Variants in TMEM132D observed in about 807,000 individuals in gnomAD.
TMEM132D encodes transmembrane protein 132D, also known as mature OL transmembrane protein.
TMEM132D carries 21 observed loss-of-function variants against 62.3 expected under a neutral mutation model. That is an observed-to-expected ratio of 0.34 (90% CI 0.24 to 0.49). The LOEUF is 0.49. TMEM132D is among the 20% of genes least tolerant of loss of function. The pLI, the probability that TMEM132D is intolerant of heterozygous loss-of-function variation, is 0.99. For synonymous variants in TMEM132D, 621 were observed against 575.6 expected, an observed-to-expected ratio of 1.08 and a Z score of -1.13; for missense variants, 1,346 against 1,402.8, an observed-to-expected ratio of 0.96 and a Z score of 0.65.
At chr12:129,731,029 A>T (rs1254321226) in intron 1 of TMEM132D, among the ~76,000 whole-genome samples, 1 of 152,022 alleles carries the variant, frequency 6.6e-6, no homozygotes, top group African/African-American at 2.4e-5. Flanking sequence ...TTATATATAC[A>T]TCTATCCTAT....
At chr12:129,882,601 A>C (rs890336936) in intron 1 of TMEM132D, among the ~76,000 whole-genome samples, 6 of 152,190 alleles carry the variant, frequency 3.9e-5, no homozygotes, top group Non-Finnish European at 2.9e-5. Context: ...AAGGACATTA[A>C]ATGCTCCCAA....
At chr12:129,213,318 C>A (rs1879107495) in intron 4 of TMEM132D, among the ~76,000 whole-genome samples, 1 of 152,052 alleles carries the variant, frequency 6.6e-6, no homozygotes, top group Non-Finnish European at 1.5e-5. Flanking sequence ...TACAGTGAGA[C>A]CCTGTCTCTA....
chr12:129,113,563 A>G (rs1409343309), intron 5 of TMEM132D, among the ~76,000 whole-genome samples: 1 of 152,208 alleles, frequency 6.6e-6, no homozygotes, highest in East Asian at 1.9e-4. Context: ...CATTAAAAAG[A>G]CATATTAGCA....
At position 129,307,477 on chromosome 12, in the gene TMEM132D, C is replaced by A. The variant is rs75148974; in HGVS notation, c.1299+30157G>T. Among the ~76,000 whole-genome samples, 143 of 152,158 alleles carry A rather than the reference C, an allele frequency of 9.4e-4. 1 individual carries two copies. The East Asian group carries it at 0.025, about 26-fold the overall frequency. ...TTTAAATGGAGTTTAAAACCTTAGC[C>A]CTTCTATTTCCTAGGTTTCTCAAAA... On this transcript the variant is annotated intron_variant, in intron 4 of 8. Coordinates refer to ENST00000422113, the MANE Select transcript of TMEM132D (RefSeq NM_133448.3).
chr12:129,670,930 C>T (rs1225418850), intron 2 of TMEM132D, among the ~76,000 whole-genome samples: 2 of 152,160 alleles, frequency 1.3e-5, no homozygotes, highest in African/African-American at 4.8e-5. Flanking sequence ...TACATATTTA[C>T]ATTCAGCAGA....
At chr12:129,597,406 A>G (rs7954580) in intron 2 of TMEM132D, among the ~76,000 whole-genome samples, 132,205 of 152,258 alleles carry the variant, frequency 0.87, 57,453 homozygotes, top group African/African-American at 0.89. Flanking sequence ...CAACTTTCCT[A>G]TAATGAACAC....
chr12:129,763,929 T>C (rs1446483856), intron 1 of TMEM132D, among the ~76,000 whole-genome samples: 1 of 152,206 alleles, frequency 6.6e-6, no homozygotes, highest in African/African-American at 2.4e-5. Flanking sequence ...GTAGGAACTT[T>C]AGAACCAAGG....
rs1874196767 is a variant in TMEM132D at position 129,074,762 on chromosome 12, T to C, written c.2413A>G (p.Asn805Asp). 6.2e-7 allele frequency: 1 copy of C among 1,614,158 alleles called. No individual in the cohort carries two copies. The highest frequency in any genetic ancestry group is 1.7e-5 in the Admixed American group (1 of 60,016). The change falls in exon 9 of 9, where the codon AAC (asparagine) becomes GAC (aspartate). Residue 805 changes from asparagine to aspartate, a missense_variant. Physicochemically the swap from Asn to Asp is conservative, Grantham distance 23 (BLOSUM62 1). Coordinates refer to ENST00000422113, the MANE Select transcript of TMEM132D (RefSeq NM_133448.3). ...VKFGQNDANP[N>D]TSDSRHTGAG... ...CCTGTGTGTCTGCTGTCACTGGTGT[T>C]GGGGTTAGCATCGTTTTGGCCAAAT...
chr12:129,607,599 G>T (rs1171335868), intron 2 of TMEM132D, among the ~76,000 whole-genome samples: 1 of 152,252 alleles, frequency 6.6e-6, no homozygotes, highest in East Asian at 1.9e-4. Flanking sequence ...GGGCTTAGAG[G>T]CTACCACCCA....
intron 2 of TMEM132D, among the ~76,000 whole-genome samples, chr12:129,647,094 C>T (rs1330034991): frequency 2.3e-5 from 3 of 128,438 alleles, no homozygotes; most frequent in Non-Finnish European, 5.2e-5. Flanking sequence ...GCCACTGCGC[C>T]CAACCACATG....
chr12:129,086,077 T>C (rs1288549369), intron 5 of TMEM132D: 1 of 152,246 alleles, frequency 6.6e-6, no homozygotes, highest in Non-Finnish European at 1.5e-5. Flanking sequence ...AATAAGTACT[T>C]GGCAGGTACA....
chr12:129,570,329 G>C (rs1254815605), intron 2 of TMEM132D, among the ~76,000 whole-genome samples: 1 of 152,182 alleles, frequency 6.6e-6, no homozygotes, highest in Non-Finnish European at 1.5e-5. Context: ...GTAGTTCCAA[G>C]CATCTCATGG....
intron 1 of TMEM132D, among the ~76,000 whole-genome samples, chr12:129,878,244 C>A (rs1874490780): frequency 1.3e-5 from 2 of 152,210 alleles, no homozygotes; most frequent in South Asian, 4.1e-4. Context: ...CCCCAAATCT[C>A]TTTTAAGTAT....
chr12:129,079,402 C>CACCTGGAATG (rs1308093714), intron 7 of TMEM132D, among the ~76,000 whole-genome samples: 1 of 152,188 alleles, frequency 6.6e-6, no homozygotes, highest in Non-Finnish European at 1.5e-5. Context: ...CTCCTCTGGA[C>CACCTGGAATG]ACCTGGAATG....
At chr12:129,421,212 C>T (rs1185713507) in intron 3 of TMEM132D, among the ~76,000 whole-genome samples, 1 of 152,218 alleles carries the variant, frequency 6.6e-6, no homozygotes. Flanking sequence ...ATCCGCCTGC[C>T]TCAGCCTCCC....
intron 3 of TMEM132D, among the ~76,000 whole-genome samples, chr12:129,491,279 A>C (rs1874788024): frequency 6.6e-6 from 1 of 152,230 alleles, no homozygotes; most frequent in African/African-American, 2.4e-5. Context: ...TTCCATAAAA[A>C]GCCCACGGCA....
intron 3 of TMEM132D, among the ~76,000 whole-genome samples, chr12:129,368,104 T>G (rs1399440124): frequency 6.6e-6 from 1 of 152,160 alleles, no homozygotes; most frequent in Non-Finnish European, 1.5e-5. Flanking sequence ...CTTTTTCCAT[T>G]TCTTTAAAAT....
At chr12:129,278,930 C>A (rs1048021419) in intron 4 of TMEM132D, among the ~76,000 whole-genome samples, 1 of 151,862 alleles carries the variant, frequency 6.6e-6, no homozygotes, top group Non-Finnish European at 1.5e-5. Context: ...TGTGTAGGTC[C>A]TGAGGCCAAA....
intron 3 of TMEM132D, among the ~76,000 whole-genome samples, chr12:129,405,412 T>C (rs1871752088): frequency 6.6e-6 from 1 of 152,076 alleles, no homozygotes; most frequent in African/African-American, 2.4e-5. Flanking sequence ...GGCATCAACA[T>C]GTAAATCTTG....
Sources: gnomAD v4.1 joint callset for allele counts (sites outside exome capture counted in the v4.1 genomes callset) on GRCh38, gnomAD v4.1.1 for gene constraint, MANE v1.5 for transcripts, NCBI Gene and HGNC (gene_info 2026-07-23, HGNC 2026-07-21) for gene names.